The following ZNF322 variants were observed in gnomAD, a reference collection of about 807,000 sequenced individuals.
The protein encoded by ZNF322 is HLA complex group 12.
Under a neutral mutation model 18.3 loss-of-function variants are expected in ZNF322, and 1 was observed. The observed-to-expected ratio is 0.05, with a 90% CI of 0.02 to 0.26. ZNF322 has a LOEUF of 0.26. Ranked by LOEUF, ZNF322 falls within the 10% of genes least tolerant of loss-of-function variation. The probability of loss-of-function intolerance (pLI) is 1.00; values close to 1 mark genes in which losing one functional copy is unlikely to be tolerated. For synonymous variants in ZNF322, 17 were observed against 130.7 expected (o/e 0.13, Z 5.93); for missense variants, 36 against 403.6 (o/e 0.09, Z 7.80).
chr6:26,649,603 T>TG (rs1765615534), intron 2 of ZNF322, among the ~76,000 whole-genome samples: 1 of 8,062 alleles, frequency 1.2e-4, no homozygotes, highest in Non-Finnish European at 2.7e-4. Flanking sequence ...AAATAAAAAC[T>TG]TTTTTTAAAG....
At chr6:26,652,957 A>C (rs1319166918) in intron 2 of ZNF322, among the ~76,000 whole-genome samples, 2 of 152,144 alleles carry the variant, frequency 1.3e-5, no homozygotes, top group East Asian at 3.8e-4. Flanking sequence ...TGAACCTAAC[A>C]GTTCTCTAAA....
chr6:26,644,250 T>C (rs1278863359), intron 2 of ZNF322, among the ~76,000 whole-genome samples: 9 of 152,214 alleles, frequency 5.9e-5, no homozygotes, highest in East Asian at 3.8e-4. Context: ...AAAAAGAAGT[T>C]AGAGAGTCCA....
intron 2 of ZNF322, among the ~76,000 whole-genome samples, chr6:26,652,842 G>A (rs76279478): frequency 0.039 from 5,908 of 152,186 alleles, 161 homozygotes; most frequent in Middle Eastern, 0.11. Context: ...GATTAACAGC[G>A]GGGGATGCTG....
At chr6:26,656,662 G>A (rs2504565) in intron 2 of ZNF322, among the ~76,000 whole-genome samples, 69,426 of 151,966 alleles carry the variant, frequency 0.46, 16,314 homozygotes, top group East Asian at 0.71. Flanking sequence ...TTATAAGATG[G>A]GGGGTTCATA....
At chr6:26,658,338 C>T (rs1006151511) in intron 2 of ZNF322, among the ~76,000 whole-genome samples, 1 of 151,706 alleles carries the variant, frequency 6.6e-6, no homozygotes, top group African/African-American at 2.4e-5. Flanking sequence ...GCAATTACTG[C>T]AAGCCTAATG....
intron 2 of ZNF322, among the ~76,000 whole-genome samples, chr6:26,649,683 A>G (rs1396569889): frequency 0.11 from 3,110 of 28,858 alleles, 131 homozygotes; most frequent in South Asian, 0.14. Context: ...GTGTATATAT[A>G]TATATATATA....
chr6:26,654,530 C>T (rs561884084), intron 2 of ZNF322, among the ~76,000 whole-genome samples: 1 of 151,832 alleles, frequency 6.6e-6, no homozygotes, highest in Non-Finnish European at 1.5e-5. Context: ...CCAGAAGGAC[C>T]CACAATTCAG....
chr6:26,640,585 T>A lies in ZNF322; in HGVS notation c.-175-1857A>T, dbSNP rs531321650. 1.5e-3 allele frequency among the ~76,000 whole-genome samples: 233 copies of A among 152,278 alleles called. 4 individuals are homozygous for A. In the South Asian group the frequency reaches 0.031, roughly 20 times the overall value. ...ACCCTATTCTAAACTGTACCACATC[T>A]CCGTCCCAGCTGACTCACAAAAACA... On this transcript the variant is annotated intron_variant, in intron 3 of 3. Transcript: ENST00000415922.
At chr6:26,649,673 GTGTATATATATATATATA>G (rs1561924803) in intron 2 of ZNF322, among the ~76,000 whole-genome samples, 139 of 29,352 alleles carry the variant, frequency 4.7e-3, no homozygotes, top group Non-Finnish European at 6.2e-3. Context: ...GTGTGTGTGT[GTGTATATATATATATATA>G]TATATATATA....
intron 2 of ZNF322, among the ~76,000 whole-genome samples, chr6:26,651,913 T>C (rs2498412): frequency 0.99 from 151,414 of 152,328 alleles, 75,257 homozygotes; most frequent in East Asian, 1. Context: ...CTTACTGCAA[T>C]CTCCGCCTCC....
chr6:26,643,794 C>A (rs1561922720), intron 2 of ZNF322, 66 bp from the exon 3 acceptor site: 1 of 152,604 alleles, frequency 6.6e-6, no homozygotes, highest in Non-Finnish European at 1.5e-5. Flanking sequence ...ATCATTTACA[C>A]TCAAAGGATT....
intron 2 of ZNF322, among the ~76,000 whole-genome samples, chr6:26,651,804 G>A (rs932063324): frequency 1.3e-5 from 2 of 152,066 alleles, no homozygotes; most frequent in African/African-American, 4.8e-5. Context: ...GGATAACATA[G>A]GAGAAAATCT....
chr6:26,652,589 C>G (rs1043478354), intron 2 of ZNF322, among the ~76,000 whole-genome samples: 1 of 151,990 alleles, frequency 6.6e-6, no homozygotes, highest in East Asian at 1.9e-4. Context: ...ACTAGGGAGG[C>G]TGAAGAAGGA....
In ZNF322 at chr6:26,653,968, A is replaced by C. The variant is rs180867263; in HGVS notation, c.-246+4590T>G. Among the ~76,000 whole-genome samples, 919 of 152,338 alleles carry C rather than the reference A, an allele frequency of 6.0e-3. 6 individuals carry two copies. Among genetic ancestry groups the C allele is most frequent in the African/African-American group, 0.017 (695 of 41,586 alleles). ...AACAACTACACAGAAGAGAAAAAAA[A>C]ATAACTCTAACACAATATTGGGACT... On this transcript the variant is annotated intron_variant, in intron 2 of 3. Transcript: ENST00000415922.
In ZNF322 at chr6:26,656,626, T is replaced by C. The variant is rs553084134; in HGVS notation, c.-246+1932A>G. On this transcript the variant is annotated intron_variant, in intron 2 of 3. Coordinates refer to ENST00000415922, the MANE Select transcript of ZNF322 (RefSeq NM_024639.5). ...ACTCAGAATCACAACTAAGTAAAGATATGCCGGGATACAGACAAATAGCTG... is the reference window on the plus strand; with the variant it reads ...ACTCAGAATCACAACTAAGTAAAGACATGCCGGGATACAGACAAATAGCTG... Among the ~76,000 whole-genome samples, 3 of 152,282 alleles carry C rather than the reference T, an allele frequency of 2.0e-5. No homozygotes were observed. In the South Asian group the frequency reaches 6.2e-4, roughly 32 times the overall value.
intron 2 of ZNF322, among the ~76,000 whole-genome samples, chr6:26,645,342 G>C (rs374583414): frequency 3.3e-5 from 5 of 152,264 alleles, no homozygotes; most frequent in Admixed American, 6.5e-5. Flanking sequence ...CTATCAAGGA[G>C]AGCAAGGACA....
chr6:26,649,535 C>A (rs1282560070), intron 2 of ZNF322, among the ~76,000 whole-genome samples: 7 of 150,872 alleles, frequency 4.6e-5, no homozygotes, highest in Non-Finnish European at 7.4e-5. Flanking sequence ...AAAGTAAATT[C>A]TACATTAATC....
At chr6:26,653,516 A>AT (rs1192726007) in intron 2 of ZNF322, among the ~76,000 whole-genome samples, 4 of 152,246 alleles carry the variant, frequency 2.6e-5, no homozygotes, top group Non-Finnish European at 4.4e-5. Flanking sequence ...ACATCCACAC[A>AT]TAATGGAGTA....
intron 2 of ZNF322, among the ~76,000 whole-genome samples, chr6:26,654,852 TAA>T (rs1372163662): frequency 6.6e-6 from 1 of 152,016 alleles, no homozygotes; most frequent in Non-Finnish European, 1.5e-5. Context: ...ATTATAAATA[TAA>T]AAAGAGTAAC....
Sources: gnomAD v4.1 joint callset for allele counts (sites outside exome capture counted in the v4.1 genomes callset) on GRCh38, gnomAD v4.1.1 for gene constraint, MANE v1.5 for transcripts, NCBI Gene and HGNC (gene_info 2026-07-23, HGNC 2026-07-21) for gene names.